NRXN2: variants seen among roughly 807,000 people sequenced by gnomAD.
NRXN2 encodes neurexin-2-beta.
In NRXN2, 29 loss-of-function variants were observed where a neutral mutation model predicts 128.8. The observed-to-expected ratio is 0.23, with a 90% confidence interval of 0.17 to 0.31. The LOEUF is 0.31. Ranked by LOEUF, NRXN2 falls within the 10% of genes least tolerant of loss-of-function variation. NRXN2 has a pLI of 1.00. For synonymous variants in NRXN2, 1,098 were observed against 1,075.2 expected, an observed-to-expected ratio of 1.02 and a Z score of -0.41; for missense variants, 1,881 against 2,452.6, an observed-to-expected ratio of 0.77 and a Z score of 4.92.
Position 64,623,411 on chromosome 11 carries a change from A to C in NRXN2, c.3848-333T>G. 3 of 391,308 alleles carry C rather than the reference A, an allele frequency of 7.7e-6. No individual in the cohort carries two copies. The highest frequency in any genetic ancestry group is 3.0e-5 in the South Asian group (1 of 33,700). The allele number at this position is 391,308 out of a possible 1,614,324, so 24.2% of individuals were successfully genotyped here. ...CCCTCTCCTCTCCAGCTCCAAGGTC[A>C]TCTCCCCTCTTCATCCTCTTCCCTC... On this transcript the variant is annotated intron_variant, in intron 20 of 22. Coordinates refer to ENST00000265459, the MANE Select transcript of NRXN2 (RefSeq NM_015080.4). The surrounding 1 kb of genome is among the most constrained non-coding windows in gnomAD (Gnocchi z 4.9).
intron 9 of NRXN2, among the ~76,000 whole-genome samples, chr11:64,662,320 G>A (rs896592393): frequency 1.3e-5 from 2 of 151,934 alleles, no homozygotes; most frequent in African/African-American, 4.8e-5. Flanking sequence ...AGGAGGAGGA[G>A]GAAGGAGGAG....
intron 9 of NRXN2, 118 bp from the exon 10 acceptor site, chr11:64,661,257 G>A: frequency 1.9e-6 from 3 of 1,562,490 alleles, no homozygotes; most frequent in South Asian, 1.2e-5. Context: ...CCTGCAGCAG[G>A]CTCAGGAGGA....
chr11:64,723,027 C>G lies in NRXN2; in HGVS notation c.-301G>C, dbSNP rs1369191855. 1 of 149,676 alleles carries G rather than the reference C, an allele frequency of 6.7e-6. No homozygotes were observed. The highest frequency in any genetic ancestry group is 1.5e-5 in the Non-Finnish European group (1 of 67,144). The allele number at this position is 149,676 out of a possible 1,614,324, so 9.3% of individuals were successfully genotyped here. On this transcript the variant is annotated 5_prime_UTR_variant, in exon 1 of 23. Coordinates refer to ENST00000265459, the MANE Select transcript of NRXN2 (RefSeq NM_015080.4). ...GGGTAGCAGAGCTACAGGGCCGCCC[C>G]GTCTCCGACGGGTGGCAGAGCCAGG...
intron 15 of NRXN2, among the ~76,000 whole-genome samples, chr11:64,649,477 G>A (rs1238402524): frequency 1.3e-5 from 2 of 152,176 alleles, no homozygotes; most frequent in African/African-American, 4.8e-5. Flanking sequence ...GCCCACAGCC[G>A]AGCTTCAGTC....
At chr11:64,614,246 C>G (rs914790123) in intron 22 of NRXN2, among the ~76,000 whole-genome samples, 2 of 152,222 alleles carry the variant, frequency 1.3e-5, no homozygotes, top group African/African-American at 4.8e-5. Flanking sequence ...GGTTGCCCCC[C>G]GCCCCCGCAA....
intron 1 of NRXN2, among the ~76,000 whole-genome samples, chr11:64,716,398 G>A (rs1555117889): frequency 6.6e-6 from 1 of 152,160 alleles, no homozygotes; most frequent in Non-Finnish European, 1.5e-5. Context: ...GGGGAGGACA[G>A]ATAGAGTGAA....
chr11:64,705,538 G>C (rs1295772809), intron 2 of NRXN2, among the ~76,000 whole-genome samples: 2 of 151,532 alleles, frequency 1.3e-5, no homozygotes, highest in Non-Finnish European at 2.9e-5. Flanking sequence ...CCTCCCAGCT[G>C]TCTGCCCCTC....
intron 22 of NRXN2, among the ~76,000 whole-genome samples, chr11:64,617,382 C>T (rs960845512): frequency 2.6e-5 from 4 of 152,156 alleles, no homozygotes; most frequent in African/African-American, 9.7e-5. Context: ...GCCCAGGACA[C>T]AATATGTGGG....
At chr11:64,691,830 CTA>C (rs1299282611) in intron 4 of NRXN2, among the ~76,000 whole-genome samples, 1 of 152,214 alleles carries the variant, frequency 6.6e-6, no homozygotes, top group Non-Finnish European at 1.5e-5. Flanking sequence ...AATTTCATAT[CTA>C]TATGAGTTTC....
chr11:64,663,628 G>A (rs573227454), intron 9 of NRXN2, among the ~76,000 whole-genome samples: 2 of 152,154 alleles, frequency 1.3e-5, no homozygotes, highest in Non-Finnish European at 1.5e-5. Flanking sequence ...GGCTTTACAC[G>A]ACTCAACCAG....
intron 7 of NRXN2, among the ~76,000 whole-genome samples, chr11:64,674,068 G>C (rs1285860410): frequency 6.6e-6 from 1 of 151,940 alleles, no homozygotes; most frequent in Non-Finnish European, 1.5e-5. Flanking sequence ...AGGCGGTGGG[G>C]AGGTCTTGCC....
At chr11:64,613,634 C>A (rs1435726598) in intron 22 of NRXN2, among the ~76,000 whole-genome samples, 3 of 152,200 alleles carry the variant, frequency 2.0e-5, no homozygotes, top group African/African-American at 7.2e-5. Context: ...GCACCCTTGG[C>A]AGCAGAGCCA....
intron 7 of NRXN2, among the ~76,000 whole-genome samples, chr11:64,672,380 G>C (rs914548420): frequency 6.6e-6 from 1 of 152,238 alleles, no homozygotes; most frequent in South Asian, 2.1e-4. Context: ...AGGAAGAGGG[G>C]AAGTATCCTT....
intron 6 of NRXN2, among the ~76,000 whole-genome samples, chr11:64,677,860 C>T (rs1374257724): frequency 6.6e-6 from 1 of 152,144 alleles, no homozygotes; most frequent in African/African-American, 2.4e-5. Context: ...GTGGCCATGC[C>T]GGGTTAATGG....
chr11:64,637,107 A>G (rs923693319), intron 17 of NRXN2, among the ~76,000 whole-genome samples: 2 of 151,828 alleles, frequency 1.3e-5, no homozygotes, highest in African/African-American at 4.8e-5. Flanking sequence ...AGCACCCACC[A>G]TCAACACCTT....
intron 7 of NRXN2, among the ~76,000 whole-genome samples, chr11:64,674,347 C>G (rs1307871327): frequency 6.6e-6 from 1 of 152,102 alleles, no homozygotes; most frequent in Non-Finnish European, 1.5e-5. Flanking sequence ...GCCACCACCA[C>G]ACCCAGCTAT....
intron 17 of NRXN2, among the ~76,000 whole-genome samples, chr11:64,647,332 A>G (rs1354443741): frequency 1.3e-5 from 2 of 151,690 alleles, no homozygotes; most frequent in African/African-American, 4.8e-5. Flanking sequence ...GATTCAAGCA[A>G]TGCTGAGGAG....
At position 64,649,005 on chromosome 11, in the gene NRXN2, TC is replaced by T. The variant is rs1356887227; in HGVS notation, c.3110-99del. The T allele has an allele frequency of 2.4e-6, 3 of 1,275,884 alleles. No individual in the cohort carries two copies. In the East Asian group the frequency reaches 7.0e-5, roughly 30 times the overall value. The allele number at this position is 1,275,884 out of a possible 1,614,324, so 79.0% of individuals were successfully genotyped here. ...AGGTCCTCCCAGCCTTCTCAGGTTC[TC>T]TGCGTTCCATCCCAGATTCCAGGTC... On this transcript the variant is annotated intron_variant, in intron 15 of 22. Transcript: ENST00000265459.
intron 1 of NRXN2, among the ~76,000 whole-genome samples, chr11:64,721,493 C>T (rs1014369518): frequency 2.0e-5 from 3 of 151,986 alleles, no homozygotes; most frequent in Non-Finnish European, 4.4e-5. Context: ...TCCCCTGTCT[C>T]CCAAAAGATC....
Sources: allele counts gnomAD v4.1 joint callset (sites outside exome capture counted in the v4.1 genomes callset), GRCh38; gene constraint gnomAD v4.1.1; non-coding constraint Gnocchi (gnomAD v3.1); transcripts MANE v1.5; gene names NCBI Gene and HGNC (gene_info 2026-07-23, HGNC 2026-07-21).